Variants in CSMD1 observed in about 807,000 individuals in gnomAD.
CSMD1 encodes CUB and Sushi multiple domains 1.
In CSMD1, 213 loss-of-function variants were observed where a neutral mutation model predicts 417.5. That is an observed-to-expected ratio of 0.51 (90% CI 0.46 to 0.57). The LOEUF (loss-of-function observed/expected upper bound fraction) is 0.57. Among genes scored for constraint, CSMD1 ranks in the 20% least tolerant of loss-of-function variants. The pLI is 0.00. For missense variants in CSMD1, 6,923 were observed against 4,529.7 expected (o/e 1.53, Z -15.17); for synonymous variants, 2,862 against 1,736.8 (o/e 1.65, Z -16.11).
At chr8:4,117,612 T>C (rs1233452937) in intron 3 of CSMD1, among the ~76,000 whole-genome samples, 1 of 152,116 alleles carries the variant, frequency 6.6e-6, no homozygotes, top group Non-Finnish European at 1.5e-5. Context: ...GGACTTCCAG[T>C]TAGAGAAAAG....
intron 39 of CSMD1, among the ~76,000 whole-genome samples, chr8:3,154,171 C>T (rs1045910686): frequency 6.6e-6 from 1 of 152,190 alleles, no homozygotes; most frequent in African/African-American, 2.4e-5. Context: ...TGGGGTTTCA[C>T]CATGTTGGTC....
chr8:3,393,252 A>G (rs143605785), intron 17 of CSMD1, among the ~76,000 whole-genome samples: 7 of 152,298 alleles, frequency 4.6e-5, no homozygotes, highest in East Asian at 1.9e-4. Context: ...ACAGTGCTGG[A>G]AAGTTCCAAA....
Position 2,961,146 on chromosome 8 carries a change from A to C in CSMD1, c.9697T>G (p.Tyr3233Asp). Residue 3233 changes from tyrosine (Y) to aspartate (D), a missense_variant, in exon 62 of 70, where the codon TAT becomes GAT. Tyr to Asp is a radical substitution (Grantham distance 160). Transcript: ENST00000635120. ...HFGIQNSSRG[Y>D]EVGSTVFFRC... ...GTAAATTCATAATGAACTACCTCAT[A>C]GCCTCTGGAGCTATTCTGTATTCCA... 1 of 1,577,612 alleles carries C rather than the reference A, an allele frequency of 6.3e-7. No individual in the cohort carries two copies. The highest frequency in any genetic ancestry group is 8.7e-7 in the Non-Finnish European group (1 of 1,155,122).
At chr8:4,776,155 G>C (rs751385004) in intron 1 of CSMD1, among the ~76,000 whole-genome samples, 5 of 152,078 alleles carry the variant, frequency 3.3e-5, no homozygotes, top group Non-Finnish European at 5.9e-5. Flanking sequence ...GTGAAGAAGA[G>C]ATGAGGCGAC....
At chr8:3,988,027 A>T (rs181626226) in intron 5 of CSMD1, among the ~76,000 whole-genome samples, 156 of 152,328 alleles carry the variant, frequency 1.0e-3, no homozygotes, top group African/African-American at 3.5e-3. Context: ...CTTTCAACAC[A>T]CAGCTATTAA....
chr8:4,744,136 G>A (rs573570111), intron 1 of CSMD1, among the ~76,000 whole-genome samples: 2 of 152,266 alleles, frequency 1.3e-5, no homozygotes, highest in South Asian at 2.1e-4. Context: ...GCTCAGGGAC[G>A]CCAATTTCTT....
intron 23 of CSMD1, among the ~76,000 whole-genome samples, chr8:3,333,576 G>T (rs532328273): frequency 2.0e-5 from 3 of 152,188 alleles, no homozygotes; most frequent in Non-Finnish European, 4.4e-5. Context: ...GCCAGGAGTA[G>T]ATATTAGAGC....
intron 3 of CSMD1, among the ~76,000 whole-genome samples, chr8:4,385,626 G>A (rs1803397872): frequency 6.6e-6 from 1 of 152,102 alleles, no homozygotes. Context: ...TTATGAATCA[G>A]TAACAGATGC....
chr8:3,291,449 C>G (rs1473641691), intron 25 of CSMD1, among the ~76,000 whole-genome samples: 1 of 152,138 alleles, frequency 6.6e-6, no homozygotes, highest in African/African-American at 2.4e-5. Context: ...GTGAATCCAT[C>G]TGGTCCTCGA....
At chr8:3,454,287 T>C (rs1815957596) in intron 12 of CSMD1, among the ~76,000 whole-genome samples, 2 of 152,240 alleles carry the variant, frequency 1.3e-5, no homozygotes, top group Non-Finnish European at 2.9e-5. Flanking sequence ...CTGTGTCTTT[T>C]AATTGGAGCA....
At chr8:4,530,346 C>CTTTTTTTTTTTTTTTTTTT (rs1195374053) in intron 2 of CSMD1, among the ~76,000 whole-genome samples, 128 of 62,076 alleles carry the variant, frequency 2.1e-3, no homozygotes, top group Non-Finnish European at 2.5e-3. Context: ...TTTTTTTTTA[C>CTTTTTTTTTTTTTTTTTTT]TTTCAGTGCT....
intron 1 of CSMD1, among the ~76,000 whole-genome samples, chr8:4,888,460 C>T (rs1034590670): frequency 1.3e-5 from 2 of 151,604 alleles, no homozygotes; most frequent in African/African-American, 2.4e-5. Flanking sequence ...TTGTTTTGCA[C>T]GTATAGGTGT....
At chr8:4,135,138 T>TCTGGTACCA (rs1803341216) in intron 3 of CSMD1, among the ~76,000 whole-genome samples, 1 of 152,158 alleles carries the variant, frequency 6.6e-6, no homozygotes, top group Admixed American at 6.5e-5. Flanking sequence ...CACAAAATAT[T>TCTGGTACCA]GTCATATTCT....
At chr8:4,374,007 G>A (rs1040247915) in intron 3 of CSMD1, among the ~76,000 whole-genome samples, 1 of 152,156 alleles carries the variant, frequency 6.6e-6, no homozygotes, top group Admixed American at 6.5e-5. Context: ...AACTATGACA[G>A]AAATTAAGAC....
chr8:4,565,764 A>G (rs1359919001), intron 2 of CSMD1, among the ~76,000 whole-genome samples: 1 of 13,078 alleles, frequency 7.6e-5, no homozygotes, highest in African/African-American at 1.6e-4. Context: ...ATATATATAT[A>G]TATATATATA....
intron 1 of CSMD1, among the ~76,000 whole-genome samples, chr8:4,664,534 C>A (rs1014700651): frequency 6.6e-5 from 10 of 151,992 alleles, no homozygotes; most frequent in Non-Finnish European, 4.4e-5. Flanking sequence ...GCATTCCACC[C>A]TCGGCAATAC....
At chr8:3,986,746 C>A (rs780432268) in intron 5 of CSMD1, among the ~76,000 whole-genome samples, 2 of 149,006 alleles carry the variant, frequency 1.3e-5, no homozygotes. Context: ...CCTGCTTTTA[C>A]AATGTTTAAG....
intron 1 of CSMD1, among the ~76,000 whole-genome samples, chr8:4,803,703 T>G (rs1487410529): frequency 1.3e-5 from 2 of 152,372 alleles, no homozygotes; most frequent in African/African-American, 4.8e-5. Flanking sequence ...TCTGCTTTTT[T>G]CCACGAATGT....
chr8:3,378,071 A>T (rs1286031884), intron 18 of CSMD1, among the ~76,000 whole-genome samples: 1 of 152,216 alleles, frequency 6.6e-6, no homozygotes, highest in Non-Finnish European at 1.5e-5. Flanking sequence ...ACATGTAAGG[A>T]TGAAGAAGGG....
Sources: gnomAD v4.1 joint callset for allele counts (sites outside exome capture counted in the v4.1 genomes callset) on GRCh38, gnomAD v4.1.1 for gene constraint, MANE v1.5 for transcripts, NCBI Gene and HGNC (gene_info 2026-07-23, HGNC 2026-07-21) for gene names.